Variants in FRMD4B observed in about 807,000 individuals in gnomAD.
FRMD4B encodes the protein FERM domain containing 4B.
Under a neutral mutation model 141.5 loss-of-function variants are expected in FRMD4B, and 74 were observed. That is an observed-to-expected ratio of 0.52 (90% confidence interval 0.43 to 0.63). The LOEUF (loss-of-function observed/expected upper bound fraction) is 0.63, where lower values mean the gene tolerates loss of function less well. FRMD4B is among the 30% of genes least tolerant of loss of function. FRMD4B has a pLI of 0.00. For synonymous variants in FRMD4B, 506 were observed against 467.9 expected (o/e 1.08, Z -1.05); for missense variants, 1,366 against 1,253.4 (o/e 1.09, Z -1.36).
chr3:69,511,494 G>A (rs1433239305), intron 1 of FRMD4B, among the ~76,000 whole-genome samples: 1 of 152,028 alleles, frequency 6.6e-6, no homozygotes, highest in African/African-American at 2.4e-5. Context: ...AAAAACACAG[G>A]ATGCAGTGGG....
intron 1 of FRMD4B, among the ~76,000 whole-genome samples, chr3:69,445,747 T>A (rs903940976): frequency 6.6e-6 from 1 of 152,208 alleles, no homozygotes; most frequent in African/African-American, 2.4e-5. Flanking sequence ...GCTGGCTCCA[T>A]CTCATAATTC....
rs932606316 is a variant in FRMD4B at position 69,254,266 on chromosome 3, G to A, written c.502-4167C>T. 3.9e-5 allele frequency among the ~76,000 whole-genome samples: 6 copies of A among 151,910 alleles called. No individual in the cohort carries two copies. The South Asian group carries it at 8.3e-4, about 21-fold the overall frequency. On this transcript the variant is annotated intron_variant, in intron 5 of 22. Coordinates refer to ENST00000398540, the MANE Select transcript of FRMD4B (RefSeq NM_015123.3). ...ATTACAGGGGCCCACTACCATGCCC[G>A]GCTAATTTTTGTATTTTTTTTTAGT...
intron 1 of FRMD4B, among the ~76,000 whole-genome samples, chr3:69,473,388 G>T (rs1023313504): frequency 3.9e-5 from 6 of 152,188 alleles, no homozygotes; most frequent in African/African-American, 1.4e-4. Context: ...AGGCCAATTC[G>T]ATTTCCAGTC....
intron 5 of FRMD4B, among the ~76,000 whole-genome samples, chr3:69,268,106 T>C (rs2093576595): frequency 6.6e-6 from 1 of 151,948 alleles, no homozygotes; most frequent in African/African-American, 2.4e-5. Flanking sequence ...CTTCATTCCC[T>C]CTAAGCCCAG....
intron 1 of FRMD4B, among the ~76,000 whole-genome samples, chr3:69,467,140 G>C (rs551478522): frequency 1.3e-5 from 2 of 152,318 alleles, no homozygotes; most frequent in Non-Finnish European, 2.9e-5. Context: ...GCACTGGTAA[G>C]ATGGAAAAAG....
intron 1 of FRMD4B, among the ~76,000 whole-genome samples, chr3:69,356,445 GA>G (rs1246396135): frequency 3.3e-5 from 5 of 152,076 alleles, no homozygotes; most frequent in Middle Eastern, 6.8e-3. Context: ...TCCTGACCTG[GA>G]ATATCAGACT....
chr3:69,535,498 T>C lies in FRMD4B; in HGVS notation c.-129+6708A>G, dbSNP rs548152575. The stretch of plus-strand genomic sequence containing the variant: ...TACTATTATTTGTTGAGCCTTTACA[T>C]CTGCACAAGATTTTGTGTGTGTGGT... On this transcript the variant is annotated intron_variant, in intron 1 of 5. Transcript: ENST00000459638. Among the ~76,000 whole-genome samples, 8 of 152,342 alleles carry C rather than the reference T, an allele frequency of 5.3e-5. No homozygotes were observed. The South Asian group carries it at 1.7e-3, about 32-fold the overall frequency.
At chr3:69,353,062 A>C (rs991715754) in intron 1 of FRMD4B, among the ~76,000 whole-genome samples, 5 of 150,280 alleles carry the variant, frequency 3.3e-5, no homozygotes, top group African/African-American at 1.2e-4. Context: ...TCTTTTCTAC[A>C]TCCATAAAGA....
intron 1 of FRMD4B, among the ~76,000 whole-genome samples, chr3:69,321,931 C>A (rs1240582139): frequency 3.3e-5 from 5 of 152,100 alleles, no homozygotes; most frequent in Non-Finnish European, 4.4e-5. Context: ...TTGTCTTCAA[C>A]CCCCAGGCTC....
At chr3:69,229,767 G>C (rs543705192) in intron 7 of FRMD4B, among the ~76,000 whole-genome samples, 1 of 152,116 alleles carries the variant, frequency 6.6e-6, no homozygotes, top group South Asian at 2.1e-4. Context: ...CAGTGCAGTC[G>C]TGCGATCTTG....
At chr3:69,535,179 A>G (rs940118400) in intron 1 of FRMD4B, among the ~76,000 whole-genome samples, 3 of 152,214 alleles carry the variant, frequency 2.0e-5, no homozygotes, top group African/African-American at 7.2e-5. Flanking sequence ...GCAAAGATAG[A>G]TCTGAGTGTA....
chr3:69,360,725 G>A (rs959904746), intron 1 of FRMD4B, among the ~76,000 whole-genome samples: 5 of 152,114 alleles, frequency 3.3e-5, no homozygotes, highest in African/African-American at 1.2e-4. Flanking sequence ...GTTCCTGTAG[G>A]TTGGTTGAGT....
chr3:69,313,955 C>A (rs112083640), intron 1 of FRMD4B, among the ~76,000 whole-genome samples: 53,410 of 146,692 alleles, frequency 0.36, 10,227 homozygotes, highest in East Asian at 0.58. Flanking sequence ...CTGGCTAACA[C>A]GGTGAAACCC....
intron 4 of FRMD4B, among the ~76,000 whole-genome samples, chr3:69,296,558 G>A (rs1701041120): frequency 6.6e-6 from 1 of 152,136 alleles, no homozygotes; most frequent in African/African-American, 2.4e-5. Context: ...CCCATGGTCT[G>A]GGGTATTGTG....
At chr3:69,299,532 G>C (rs1177950839) in intron 4 of FRMD4B, among the ~76,000 whole-genome samples, 1 of 152,138 alleles carries the variant, frequency 6.6e-6, no homozygotes, top group Non-Finnish European at 1.5e-5. Flanking sequence ...TGGAGTTGGA[G>C]GGGAATAATT....
chr3:69,240,995 A>G (rs1376976374), intron 7 of FRMD4B, among the ~76,000 whole-genome samples: 1 of 152,192 alleles, frequency 6.6e-6, no homozygotes, highest in East Asian at 1.9e-4. Flanking sequence ...AAGTATGCTG[A>G]GTTTCATTTC....
rs952301756 is a variant in FRMD4B, at chr3:69,499,816, G to C, written c.-129+42390C>G. On this transcript the variant is annotated intron_variant, in intron 1 of 5. Transcript: ENST00000459638. ...ATAGGCATTGGCTCAGCCAATGATA[G>C]AGTGTGTTTTAGTGTCCAGTCCCTT... 1.1e-4 allele frequency among the ~76,000 whole-genome samples: 17 copies of C among 152,338 alleles called. No individual in the cohort carries two copies. In the East Asian group the frequency reaches 3.1e-3, roughly 28 times the overall value.
intron 1 of FRMD4B, among the ~76,000 whole-genome samples, chr3:69,368,033 T>A (rs1261358407): frequency 6.6e-6 from 1 of 152,264 alleles, no homozygotes; most frequent in Non-Finnish European, 1.5e-5. Context: ...ATTTCTGGGA[T>A]GCTTTTCCTT....
At chr3:69,267,660 G>T (rs1575675183) in intron 5 of FRMD4B, among the ~76,000 whole-genome samples, 6 of 128,298 alleles carry the variant, frequency 4.7e-5, no homozygotes, top group East Asian at 2.2e-4. Flanking sequence ...GAGAGAGAGA[G>T]AGAGAGAGAG....
Sources: allele counts gnomAD v4.1 joint callset (sites outside exome capture counted in the v4.1 genomes callset), GRCh38; gene constraint gnomAD v4.1.1; transcripts MANE v1.5; gene names NCBI Gene and HGNC (gene_info 2026-07-23, HGNC 2026-07-21).